XPO7: variants seen among roughly 807,000 people sequenced by gnomAD.
XPO7 encodes exportin 7, also known as exportin-7.
Under a neutral mutation model 144.3 loss-of-function variants are expected in XPO7, and 21 were observed. That is an observed-to-expected ratio of 0.15 (90% confidence interval 0.10 to 0.21). XPO7 has a LOEUF of 0.21. Among genes scored for constraint, XPO7 ranks in the 10% least tolerant of loss-of-function variants. The probability of loss-of-function intolerance (pLI) is 1.00; values close to 1 mark genes in which losing one functional copy is unlikely to be tolerated. For synonymous variants in XPO7, 580 were observed against 499.6 expected (o/e 1.16, Z -2.15); for missense variants, 808 against 1,325.8 (o/e 0.61, Z 6.06).
chr8:21,922,661 T>C (rs1585409338), intron 1 of XPO7, among the ~76,000 whole-genome samples: 1 of 152,310 alleles, frequency 6.6e-6, no homozygotes, highest in Admixed American at 6.5e-5. Flanking sequence ...TTAGTTTTAA[T>C]AGTGCTAGCT....
At chr8:21,924,242 G>A (rs560305828) in intron 1 of XPO7, among the ~76,000 whole-genome samples, 54 of 152,252 alleles carry the variant, frequency 3.5e-4, no homozygotes, top group African/African-American at 1.3e-3. Context: ...TATATGCTGT[G>A]TATAAGTGAC....
intron 19 of XPO7, among the ~76,000 whole-genome samples, chr8:21,993,567 T>C (rs1305572807): frequency 1.3e-5 from 2 of 152,188 alleles, no homozygotes; most frequent in African/African-American, 4.8e-5. Flanking sequence ...ATGTCCCAAG[T>C]AAAAGTTTTA....
At position 21,974,777 on chromosome 8, in the gene XPO7, G is replaced by T; in HGVS notation, c.597+3G>T. ...TTTCCTGCAATTTACTAAAACAGGT[G>T]AGCATGTAGTTTGGGTCATATTTCC... is the stretch of plus-strand genomic sequence containing the variant. On this transcript the variant is annotated splice_donor_region_variant and intron_variant, in intron 6 of 27. Coordinates refer to ENST00000252512, the MANE Select transcript of XPO7 (RefSeq NM_015024.5). The T allele has an allele frequency of 6.4e-7, 1 of 1,556,476 alleles. No individual in the cohort carries two copies. Among genetic ancestry groups the T allele is most frequent in the Non-Finnish European group, 8.7e-7 (1 of 1,148,480 alleles).
chr8:21,935,097 A>G (rs1442883920), intron 1 of XPO7, among the ~76,000 whole-genome samples: 3 of 152,186 alleles, frequency 2.0e-5, no homozygotes, highest in Admixed American at 6.5e-5. Flanking sequence ...CACACTTCCC[A>G]TTTGCATCAG....
In XPO7 at chr8:22,005,779, G is replaced by A. The variant is rs7220; in HGVS notation, c.*691G>A. On this transcript the variant is annotated 3_prime_UTR_variant, in exon 28 of 28. Coordinates refer to ENST00000252512, the MANE Select transcript of XPO7 (RefSeq NM_015024.5). ...AACACCGTCCCTCCCCTTGGACCGT[G>A]TAGATTCTGCCCTGGGTCCCTAGCC... 87,555 of 152,100 alleles carry A rather than the reference G, an allele frequency of 0.58. 25,832 individuals carry two copies. The highest frequency in any genetic ancestry group is 0.72 in the African/African-American group (29,996 of 41,490). The allele number at this position is 152,100 out of a possible 1,614,324, so 9.4% of individuals were successfully genotyped here.
chr8:21,959,000 G>T (rs796674081), intron 1 of XPO7, among the ~76,000 whole-genome samples: 2 of 151,546 alleles, frequency 1.3e-5, no homozygotes, highest in African/African-American at 4.8e-5. Context: ...TGGCAGTGTT[G>T]AGCCTCAGCT....
chr8:21,948,435 G>A (rs898138453), intron 1 of XPO7, among the ~76,000 whole-genome samples: 1 of 152,156 alleles, frequency 6.6e-6, no homozygotes, highest in African/African-American at 2.4e-5. Context: ...TAGCTTAGGT[G>A]TATTGCAGGT....
intron 1 of XPO7, among the ~76,000 whole-genome samples, chr8:21,958,070 C>G (rs775840705): frequency 2.0e-5 from 3 of 152,200 alleles, no homozygotes; most frequent in Non-Finnish European, 1.5e-5. Context: ...GACAGTTGTA[C>G]AGACATTAAT....
chr8:21,936,030 G>A (rs887537983), intron 1 of XPO7, among the ~76,000 whole-genome samples: 5 of 152,152 alleles, frequency 3.3e-5, no homozygotes, highest in Admixed American at 6.6e-5. Context: ...AGGAAAGATC[G>A]ACTGGGCATA....
Position 21,995,546 on chromosome 8 carries a change from T to C in XPO7, c.2292T>C (p.Asp764=), listed in dbSNP as rs1397617180. ...LQRAIELWYH[D]PACTTPVLKL... is the part of the protein sequence containing the mutation. ...GGGCAATTGAGCTCTGGTACCATGA[T>C]CCAGCCTGTACTACACCTGTACTCA... The change falls in exon 21 of 28, where the codon GAT becomes GAC. Residue 764 remains aspartate (D), a synonymous_variant. Coordinates refer to ENST00000252512, the MANE Select transcript of XPO7 (RefSeq NM_015024.5). The C allele has an allele frequency of 6.2e-7, 1 of 1,610,428 alleles. No homozygotes were observed. Among genetic ancestry groups the C allele is most frequent in the East Asian group, 2.2e-5 (1 of 44,858 alleles).
At chr8:21,940,598 A>T (rs1354928799) in intron 1 of XPO7, among the ~76,000 whole-genome samples, 1 of 151,600 alleles carries the variant, frequency 6.6e-6, no homozygotes. Flanking sequence ...GCCTCCCAGT[A>T]GCTGGAATTA....
At chr8:21,991,823 G>T in intron 18 of XPO7, 45 bp from the exon 19 acceptor site, 1 of 1,499,228 alleles carries the variant, frequency 6.7e-7, no homozygotes, top group South Asian at 1.3e-5. Context: ...GCACAGCTTT[G>T]AATTCTTGGT....
intron 17 of XPO7, 42 bp downstream of exon 17, chr8:21,990,449 A>T (rs774302610): frequency 1.6e-5 from 25 of 1,603,478 alleles, no homozygotes; most frequent in Non-Finnish European, 2.1e-5. Context: ...CCTACCACCC[A>T]CACATACACT....
chr8:21,984,883 G>A, intron 12 of XPO7, 44 bp downstream of exon 12: 1 of 1,600,572 alleles, frequency 6.2e-7, no homozygotes, highest in Non-Finnish European at 8.5e-7. Context: ...GTGAGGAGAT[G>A]TTGTCTAGTA....
intron 1 of XPO7, among the ~76,000 whole-genome samples, chr8:21,951,102 A>G (rs965999906): frequency 1.3e-5 from 2 of 152,018 alleles, no homozygotes; most frequent in African/African-American, 2.4e-5. Context: ...TAATTAATTA[A>G]TTAATTAATT....
rs1189412627 is a variant in XPO7, at chr8:22,005,023, C to T, written c.3199C>T (p.Arg1067Ter). Residue 1067 changes from arginine to a stop codon, truncating the protein, a stop_gained, in exon 28 of 28, where the codon CGA becomes TGA. Coordinates refer to ENST00000252512, the MANE Select transcript of XPO7 (RefSeq NM_015024.5). LOFTEE classifies it high-confidence loss of function. The stretch of plus-strand genomic sequence containing the variant: ...CACCCAGAACCTGTCAGCATTCCGT[C>T]GAGAAGTCAACGACTCAATGAAGAA... The part of the protein sequence containing the change: ...RFTQNLSAFR[R>*]EVNDSMKNST... The T allele has an allele frequency of 6.2e-7, 1 of 1,612,098 alleles. No homozygotes were observed. The highest frequency in any genetic ancestry group is 8.5e-7 in the Non-Finnish European group (1 of 1,179,100).
Position 21,935,468 on chromosome 8 carries a change from G to A in XPO7, c.18+15680G>A, listed in dbSNP as rs147438222. ...GTCAGGATTAAAATTCTAGTTTTAA[G>A]CTTGATGTTCAGGTATCTTTCCAGT... On this transcript the variant is annotated intron_variant, in intron 1 of 27. Transcript: ENST00000252512. 1.8e-3 allele frequency among the ~76,000 whole-genome samples: 273 copies of A among 152,298 alleles called. 3 individuals carry two copies. The highest frequency in any genetic ancestry group is 6.3e-3 in the African/African-American group (260 of 41,582).
At chr8:21,955,662 C>G (rs1212182930) in intron 1 of XPO7, among the ~76,000 whole-genome samples, 1 of 150,000 alleles carries the variant, frequency 6.7e-6, no homozygotes, top group African/African-American at 2.5e-5. Context: ...TATCCCTCTT[C>G]TCTGTTGGGT....
intron 1 of XPO7, among the ~76,000 whole-genome samples, chr8:21,930,388 A>T (rs17060661): frequency 6.6e-6 from 1 of 152,194 alleles, no homozygotes; most frequent in Non-Finnish European, 1.5e-5. Flanking sequence ...CTAGAAATGT[A>T]TGCCAATAAG....
Sources: allele counts gnomAD v4.1 joint callset (sites outside exome capture counted in the v4.1 genomes callset), GRCh38; gene constraint gnomAD v4.1.1; transcripts MANE v1.5; gene names NCBI Gene and HGNC (gene_info 2026-07-23, HGNC 2026-07-21).